RBMS3: variants seen among roughly 807,000 people sequenced by gnomAD.
RBMS3 encodes RNA-binding motif, single-stranded-interacting protein 3.
Under a neutral mutation model 66.8 loss-of-function variants are expected in RBMS3, and 27 were observed. The ratio of observed to expected loss-of-function variants is 0.40; its 90% CI spans 0.30 to 0.56. The LOEUF is 0.56. Ranked by LOEUF, RBMS3 falls within the 20% of genes least tolerant of loss-of-function variation. The pLI, the probability that RBMS3 is intolerant of heterozygous loss-of-function variation, is 0.40. For missense variants in RBMS3, 513 were observed against 549.5 expected, an observed-to-expected ratio of 0.93 and a Z score of 0.66; for synonymous variants, 188 against 183.0, an observed-to-expected ratio of 1.03 and a Z score of -0.22.
At chr3:29,692,733 G>A (rs17614722) in intron 4 of RBMS3, among the ~76,000 whole-genome samples, 4,079 of 152,282 alleles carry the variant, frequency 0.027, 80 homozygotes, top group Non-Finnish European at 0.041. Flanking sequence ...CTGCATGATA[G>A]TAATGAGTAT....
chr3:29,997,965 G>A (rs920585580), intron 14 of RBMS3, among the ~76,000 whole-genome samples: 2 of 152,208 alleles, frequency 1.3e-5, no homozygotes, highest in African/African-American at 4.8e-5. Context: ...ATTAGGAAAA[G>A]AGGAAGTCAA....
intron 1 of RBMS3, among the ~76,000 whole-genome samples, chr3:29,307,120 A>T (rs1398072116): frequency 6.6e-6 from 1 of 151,900 alleles, no homozygotes; most frequent in African/African-American, 2.4e-5. Flanking sequence ...TTTCCATTTC[A>T]GTCTTCAAAC....
At chr3:29,667,616 C>A (rs1176110264) in intron 4 of RBMS3, among the ~76,000 whole-genome samples, 1 of 152,076 alleles carries the variant, frequency 6.6e-6, no homozygotes, top group Non-Finnish European at 1.5e-5. Flanking sequence ...TGTTTCCTCC[C>A]ATAGAAGAAA....
chr3:29,529,042 C>T (rs919359466), intron 3 of RBMS3, among the ~76,000 whole-genome samples: 6 of 152,148 alleles, frequency 3.9e-5, no homozygotes, highest in African/African-American at 9.7e-5. Flanking sequence ...CTGTGCCAAG[C>T]GAAAATTGCT....
intron 4 of RBMS3, among the ~76,000 whole-genome samples, chr3:29,676,784 TTACTG>T: frequency 6.6e-6 from 1 of 152,318 alleles, no homozygotes; most frequent in African/African-American, 2.4e-5. Flanking sequence ...GATGATAACT[TTACTG>T]GGTGTAAAAC....
rs552121974 is a variant in RBMS3 at position 29,435,433 on chromosome 3, T to C, written c.248+518T>C. 3.3e-5 allele frequency among the ~76,000 whole-genome samples: 5 copies of C among 152,306 alleles called. No homozygotes were observed. The East Asian group carries it at 9.7e-4, about 29-fold the overall frequency. ...AGTTTCTTTGAAAACATCTGCTGCCTAGTCCAGTGAAGCTATCTCCCACCA... is the reference window on the plus strand; with the variant it reads ...AGTTTCTTTGAAAACATCTGCTGCCCAGTCCAGTGAAGCTATCTCCCACCA... On this transcript the variant is annotated intron_variant, in intron 2 of 14. Coordinates refer to ENST00000383767, the MANE Select transcript of RBMS3 (RefSeq NM_001003793.3).
chr3:29,613,145 A>G (rs1052278354), intron 4 of RBMS3, among the ~76,000 whole-genome samples: 15 of 152,138 alleles, frequency 9.9e-5, no homozygotes, highest in Admixed American at 2.0e-4. Context: ...TAATACTGCA[A>G]TGAACATGAG....
chr3:29,750,985 T>C (rs966061628), intron 5 of RBMS3, among the ~76,000 whole-genome samples: 1 of 152,196 alleles, frequency 6.6e-6, no homozygotes, highest in African/African-American at 2.4e-5. Flanking sequence ...ATGATCAAAA[T>C]AGAATCTGAA....
chr3:29,777,454 C>A (rs113440560), intron 6 of RBMS3, among the ~76,000 whole-genome samples: 1 of 151,930 alleles, frequency 6.6e-6, no homozygotes, highest in South Asian at 2.1e-4. Context: ...TCTCTTAATG[C>A]GTTTTATTAG....
At chr3:29,921,548 A>G (rs548041660) in intron 10 of RBMS3, among the ~76,000 whole-genome samples, 1 of 152,168 alleles carries the variant, frequency 6.6e-6, no homozygotes, top group South Asian at 2.1e-4. Flanking sequence ...GAATGACACA[A>G]TAAAATATTA....
At chr3:29,992,620 G>A (rs1244755606) in intron 14 of RBMS3, among the ~76,000 whole-genome samples, 1 of 152,034 alleles carries the variant, frequency 6.6e-6, no homozygotes, top group Non-Finnish European at 1.5e-5. Flanking sequence ...AGAACTATAG[G>A]TATTAAAATT....
At chr3:29,960,804 G>T (rs760242207) in intron 12 of RBMS3, among the ~76,000 whole-genome samples, 1 of 152,140 alleles carries the variant, frequency 6.6e-6, no homozygotes, top group African/African-American at 2.4e-5. Context: ...TCTAGCCATG[G>T]CTGGAGCAGC....
chr3:29,405,150 G>A (rs2039962779), intron 1 of RBMS3, among the ~76,000 whole-genome samples: 1 of 152,132 alleles, frequency 6.6e-6, no homozygotes, highest in Non-Finnish European at 1.5e-5. Flanking sequence ...CTTCTCAAAA[G>A]AGAGTTAGAT....
chr3:29,659,471 G>A (rs1388974679), intron 4 of RBMS3, among the ~76,000 whole-genome samples: 1 of 151,934 alleles, frequency 6.6e-6, no homozygotes, highest in Non-Finnish European at 1.5e-5. Context: ...TATATAAATG[G>A]AATCATACAG....
chr3:29,752,655 A>C (rs1288816189), intron 5 of RBMS3, among the ~76,000 whole-genome samples: 1 of 152,182 alleles, frequency 6.6e-6, no homozygotes, highest in Non-Finnish European at 1.5e-5. Context: ...ATAGAAGCAA[A>C]TTTTGTATTA....
chr3:29,457,412 G>A (rs888205407), intron 2 of RBMS3, among the ~76,000 whole-genome samples: 3 of 152,086 alleles, frequency 2.0e-5, no homozygotes, highest in South Asian at 2.1e-4. Context: ...TTACCGGTAA[G>A]CCCAGAACCC....
chr3:29,992,647 AG>A (rs1698963129), intron 14 of RBMS3, among the ~76,000 whole-genome samples: 1 of 152,180 alleles, frequency 6.6e-6, no homozygotes, highest in Non-Finnish European at 1.5e-5. Flanking sequence ...ATAGGGGAAG[AG>A]AGAGCATGCT....
At chr3:29,732,601 C>T (rs1418301554) in intron 4 of RBMS3, among the ~76,000 whole-genome samples, 1 of 152,112 alleles carries the variant, frequency 6.6e-6, no homozygotes, top group East Asian at 1.9e-4. Context: ...CAGTAACTAT[C>T]ACCAGAAAAG....
rs192282836 is a variant in RBMS3 at position 29,942,258 on chromosome 3, C to T, written c.1051-1949C>T. Among the ~76,000 whole-genome samples, 251 of 151,760 alleles carry T rather than the reference C, an allele frequency of 1.7e-3. 1 individual carries two copies. Among genetic ancestry groups the T allele is most frequent in the African/African-American group, 5.8e-3 (242 of 41,430 alleles). ...GTAAGGCAGGCTGTAGTGGTTCATG[C>T]CTGTTATCACAGCACTTTGGGAAGC... On this transcript the variant is annotated intron_variant, in intron 11 of 14. Coordinates refer to ENST00000383767, the MANE Select transcript of RBMS3 (RefSeq NM_001003793.3).
Sources: gnomAD v4.1 joint callset for allele counts (sites outside exome capture counted in the v4.1 genomes callset) on GRCh38, gnomAD v4.1.1 for gene constraint, MANE v1.5 for transcripts, NCBI Gene and HGNC (gene_info 2026-07-23, HGNC 2026-07-21) for gene names.